Variants in TFEC observed in about 807,000 individuals in gnomAD.
TFEC encodes the protein class E basic helix-loop-helix protein 34.
A neutral mutation model predicts 41.6 loss-of-function variants in TFEC; 31 were observed. The ratio of observed to expected loss-of-function variants is 0.74; its 90% CI spans 0.56 to 1.01. The LOEUF is 1.01. Ranked by LOEUF, TFEC falls within the 50% of genes least tolerant of loss-of-function variation. The pLI is 0.00. For missense variants in TFEC, 402 were observed against 404.1 expected (o/e 0.99, Z 0.04); for synonymous variants, 143 against 140.6 (o/e 1.02, Z -0.12).
exon 3 of TFEC, chr7:116,110,848 C>T: frequency 6.5e-7 from 1 of 1,545,386 alleles, no homozygotes; most frequent in Non-Finnish European, 8.7e-7. Context: ...AGTCTTCTCT[C>T]CTTTTCTCCT....
intron 1 of TFEC, among the ~76,000 whole-genome samples, chr7:116,022,526 A>C (rs1795436453): frequency 6.6e-6 from 1 of 152,182 alleles, no homozygotes; most frequent in African/African-American, 2.4e-5. Context: ...TATAATGAAT[A>C]AAATTAAACA....
intron 1 of TFEC, among the ~76,000 whole-genome samples, chr7:116,026,674 A>C (rs900518722): frequency 6.6e-6 from 1 of 152,240 alleles, no homozygotes; most frequent in African/African-American, 2.4e-5. Context: ...AGAGCTTTTC[A>C]AACACTATTA....
chr7:116,034,347 T>C (rs1221480282), upstream of TFEC, among the ~76,000 whole-genome samples: 1 of 152,088 alleles, frequency 6.6e-6, no homozygotes, highest in Admixed American at 6.6e-5. Flanking sequence ...CATACTCATA[T>C]ATCCAACAAC....
Position 116,029,860 on chromosome 7 carries a change from A to G in TFEC, c.-73+773T>C, listed in dbSNP as rs1445814110. Among the ~76,000 whole-genome samples the G allele has an allele frequency of 2.0e-5, 3 of 151,978 alleles. No individual in the cohort carries two copies. The East Asian group carries it at 5.8e-4, about 29-fold the overall frequency. ...CAGATCATGAGGTCAGGAGTTCAAG[A>G]CAAGCCTGGCCAACATGGTGAAACT... On this transcript the variant is annotated intron_variant, in intron 1 of 7. Transcript: ENST00000265440.
intron 2 of TFEC, among the ~76,000 whole-genome samples, chr7:115,981,601 A>G (rs1204630672): frequency 6.6e-6 from 1 of 152,218 alleles, no homozygotes; most frequent in African/African-American, 2.4e-5. Flanking sequence ...AGACTAAAAG[A>G]TAAGAAAAAG....
chr7:116,034,522 A>G (rs1795863161), upstream of TFEC, among the ~76,000 whole-genome samples: 1 of 151,904 alleles, frequency 6.6e-6, no homozygotes, highest in African/African-American at 2.4e-5. Flanking sequence ...AACTCCTGTG[A>G]GCTCACCTTC....
intron 3 of TFEC, among the ~76,000 whole-genome samples, chr7:116,094,247 T>C (rs987190916): frequency 3.3e-5 from 5 of 152,240 alleles, no homozygotes; most frequent in African/African-American, 1.2e-4. Flanking sequence ...CAGAATTGGT[T>C]TGAAGTCAGA....
In TFEC at chr7:115,941,886, T is replaced by C. The variant is rs1793522645; in HGVS notation, c.663+7A>G. ...TATGTGACTCATGGCTACATTCTTA[T>C]AAAAACCTGAATCCGAAGTAGAAGT... On this transcript the variant is annotated splice_region_variant and intron_variant, in intron 7 of 7. Coordinates refer to ENST00000265440, the MANE Select transcript of TFEC (RefSeq NM_012252.4). 2 of 1,612,874 alleles carry C rather than the reference T, an allele frequency of 1.2e-6. No homozygotes were observed. The highest frequency in any genetic ancestry group is 1.1e-5 in the South Asian group (1 of 90,998).
intron 1 of TFEC, among the ~76,000 whole-genome samples, chr7:115,998,163 T>C (rs1375192333): frequency 6.6e-6 from 1 of 151,894 alleles, no homozygotes; most frequent in African/African-American, 2.4e-5. Context: ...CATTTAATAA[T>C]CAAACACCAA....
intron 3 of TFEC, among the ~76,000 whole-genome samples, chr7:116,037,488 T>C (rs1208664596): frequency 1.3e-5 from 2 of 152,028 alleles, no homozygotes; most frequent in African/African-American, 4.8e-5. Flanking sequence ...TTAGAGTTGT[T>C]AATATTATAA....
At position 115,940,977 on chromosome 7, in the gene TFEC, A is replaced by G. The variant is rs779499995; in HGVS notation, c.664-46T>C. 14 of 1,512,576 alleles carry G rather than the reference A, an allele frequency of 9.3e-6. No homozygotes were observed. The Admixed American group carries it at 2.8e-4, about 30-fold the overall frequency. The allele number at this position is 1,512,576 out of a possible 1,614,324, so 93.7% of individuals were successfully genotyped here. ...CATTAAATAATGTCTTTGAAATTGGATTTAACACTAGAGAATAAGCCAGAC... is the reference window on the plus strand; with the variant it reads ...CATTAAATAATGTCTTTGAAATTGGGTTTAACACTAGAGAATAAGCCAGAC... On this transcript the variant is annotated intron_variant, in intron 7 of 7. Transcript: ENST00000265440.
intron 2 of TFEC, chr7:116,111,922 T>C: frequency 5.3e-6 from 4 of 751,926 alleles, no homozygotes; most frequent in Non-Finnish European, 6.5e-6. Flanking sequence ...TAAATGATAG[T>C]ACTTGATTGA....
chr7:116,070,490 A>G (rs1403205635), intron 3 of TFEC, among the ~76,000 whole-genome samples: 1 of 151,482 alleles, frequency 6.6e-6, no homozygotes, highest in Non-Finnish European at 1.5e-5. Context: ...ATGCCTTAGT[A>G]TTTTGGTACC....
chr7:115,947,229 G>A (rs573687932), intron 6 of TFEC, among the ~76,000 whole-genome samples: 1 of 151,540 alleles, frequency 6.6e-6, no homozygotes, highest in East Asian at 2.0e-4. Flanking sequence ...TTTCATCCAT[G>A]TCCTACAAAG....
intron 1 of TFEC, among the ~76,000 whole-genome samples, chr7:116,150,372 T>C (rs888710567): frequency 1.3e-5 from 2 of 152,180 alleles, no homozygotes; most frequent in African/African-American, 4.8e-5. Context: ...AGAAAAAAAT[T>C]ATTTAGTAAA....
chr7:116,002,948 T>C (rs1026027337), intron 1 of TFEC, among the ~76,000 whole-genome samples: 2 of 152,064 alleles, frequency 1.3e-5, no homozygotes, highest in African/African-American at 2.4e-5. Context: ...AATGAAATCA[T>C]ATAAAATGCT....
intron 1 of TFEC, among the ~76,000 whole-genome samples, chr7:116,159,612 A>G (rs1157552661): frequency 1.3e-5 from 2 of 152,148 alleles, no homozygotes; most frequent in Non-Finnish European, 2.9e-5. Flanking sequence ...CATAAAAAAC[A>G]AATAGCAGCA....
intron 1 of TFEC, among the ~76,000 whole-genome samples, chr7:115,985,978 A>G (rs1413337113): frequency 1.3e-5 from 2 of 152,188 alleles, no homozygotes; most frequent in African/African-American, 4.8e-5. Flanking sequence ...AACATTGTAT[A>G]CCTACAATTG....
chr7:116,112,907 A>G (rs889742060), intron 1 of TFEC, among the ~76,000 whole-genome samples: 1 of 152,012 alleles, frequency 6.6e-6, no homozygotes, highest in African/African-American at 2.4e-5. Context: ...AAAAATAGGA[A>G]AAGACAGATT....
Sources: gnomAD v4.1 joint callset for allele counts (sites outside exome capture counted in the v4.1 genomes callset) on GRCh38, gnomAD v4.1.1 for gene constraint, MANE v1.5 for transcripts, NCBI Gene and HGNC (gene_info 2026-07-23, HGNC 2026-07-21) for gene names.